Variants in PDIA3 observed in about 807,000 individuals in gnomAD.
PDIA3 encodes protein disulfide isomerase family A member 3.
A neutral mutation model predicts 56.9 loss-of-function variants in PDIA3; 16 were observed. The ratio of observed to expected loss-of-function variants is 0.28; its 90% CI spans 0.19 to 0.43. PDIA3 has a LOEUF of 0.43. Ranked by LOEUF, PDIA3 falls within the 20% of genes least tolerant of loss-of-function variation. The pLI is 1.00. For synonymous variants in PDIA3, 192 were observed against 216.5 expected (o/e 0.89, Z 0.99); for missense variants, 485 against 621.3 (o/e 0.78, Z 2.33).
At chr15:43,768,696 T>TG in intron 9 of PDIA3, 99 bp downstream of exon 9, 1 of 768,844 alleles carries the variant, frequency 1.3e-6, no homozygotes, top group Non-Finnish European at 2.2e-6. Context: ...GTTGGCCATC[T>TG]CTTTTTTTTT....
At chr15:43,748,706 G>A (rs922486867) in intron 1 of PDIA3, among the ~76,000 whole-genome samples, 1 of 150,044 alleles carries the variant, frequency 6.7e-6, no homozygotes, top group Admixed American at 6.6e-5. Flanking sequence ...TGGAGTTAAA[G>A]AAGTCTCCTG....
rs1342081843 is a variant in PDIA3 at position 43,772,472 on chromosome 15, C to T, written c.*1254C>T. 1 of 152,220 alleles carries T rather than the reference C, an allele frequency of 6.6e-6. No individual in the cohort carries two copies. The highest frequency in any genetic ancestry group is 6.5e-5 in the Admixed American group (1 of 15,280). The allele number at this position is 152,220 out of a possible 1,614,324, so 9.4% of individuals were successfully genotyped here. On this transcript the variant is annotated 3_prime_UTR_variant, in exon 13 of 13. Coordinates refer to ENST00000300289, the MANE Select transcript of PDIA3 (RefSeq NM_005313.5). ...AGATGTCTAAACCATAATCTTGTAA[C>T]TCATAACATCTGGGCTGGGGCCCGG...
chr15:43,761,796 A>G (rs1567157848), intron 4 of PDIA3, among the ~76,000 whole-genome samples: 1 of 152,224 alleles, frequency 6.6e-6, no homozygotes, highest in South Asian at 2.1e-4. Flanking sequence ...TTTAATTTCA[A>G]TTAAAGGGAC....
At position 43,770,337 on chromosome 15, in the gene PDIA3, G is replaced by C. The variant is rs906587610; in HGVS notation, c.1346+8G>C. 1 of 1,610,124 alleles carries C rather than the reference G, an allele frequency of 6.2e-7. No homozygotes were observed. Among genetic ancestry groups the C allele is most frequent in the South Asian group, 1.1e-5 (1 of 90,992 alleles). On this transcript the variant is annotated splice_region_variant and intron_variant, in intron 11 of 12. Coordinates refer to ENST00000300289, the MANE Select transcript of PDIA3 (RefSeq NM_005313.5). The stretch of plus-strand genomic sequence containing the variant: ...TCCATATGAAGTCAGAGGGTAAGTG[G>C]CTTAAAACTTAACAAAAGTGTCTAG...
intron 1 of PDIA3, chr15:43,747,227 T>C (rs551552562): frequency 3.5e-4 from 54 of 154,580 alleles, no homozygotes; most frequent in African/African-American, 1.1e-3. Flanking sequence ...TTGAGGCAGG[T>C]AATTTGTCCG....
chr15:43,753,026 A>G (rs769515760), intron 1 of PDIA3: 14 of 373,760 alleles, frequency 3.7e-5, no homozygotes, highest in South Asian at 1.4e-4. Context: ...CCTGCCATCT[A>G]AAAGACTTAA....
intron 4 of PDIA3, among the ~76,000 whole-genome samples, 157 bp from the exon 5 acceptor site, chr15:43,762,920 T>A (rs1306089056): frequency 6.6e-6 from 1 of 152,240 alleles, no homozygotes; most frequent in Non-Finnish European, 1.5e-5. Flanking sequence ...ATTCTCATCC[T>A]AAATATTGTG....
Position 43,756,635 on chromosome 15 carries a change from AT to A in PDIA3, c.247-10del, listed in dbSNP as rs764190068. On this transcript the variant is annotated splice_polypyrimidine_tract_variant and intron_variant, in intron 2 of 12. Coordinates refer to ENST00000300289, the MANE Select transcript of PDIA3 (RefSeq NM_005313.5). ...ACTTGGATAAGAAAATAGTTTGTGT[AT>A]TTTGATCTTTAGGTTGATTGCACTG... The A allele has an allele frequency of 2.8e-6, 4 of 1,408,246 alleles. No individual in the cohort carries two copies. In the South Asian group the frequency reaches 3.5e-5, roughly 12 times the overall value. The allele number at this position is 1,408,246 out of a possible 1,614,324, so 87.2% of individuals were successfully genotyped here.
intron 1 of PDIA3, among the ~76,000 whole-genome samples, chr15:43,747,469 A>C (rs1420892890): frequency 1.3e-5 from 2 of 152,212 alleles, no homozygotes; most frequent in Non-Finnish European, 2.9e-5. Context: ...AAGGGTGTAA[A>C]TTCCTTAGAT....
chr15:43,766,842 T>G lies in PDIA3; in HGVS notation c.960T>G (p.Ala320=). ...CTGATTTTGGCTTGGAGAGCACTGC[T>G]GGAGAGATTCCTGTTGTTGCTATCA... ...ELSDFGLEST[A]GEIPVVAIRT... The change falls in exon 8 of 13, where the codon GCT becomes GCG. Residue 320 remains alanine, a synonymous_variant. Coordinates refer to ENST00000300289, the MANE Select transcript of PDIA3 (RefSeq NM_005313.5). 1.2e-6 allele frequency: 2 copies of G among 1,613,974 alleles called. No individual in the cohort carries two copies. Among genetic ancestry groups the G allele is most frequent in the Non-Finnish European group, 1.7e-6 (2 of 1,179,798 alleles).
intron 7 of PDIA3, 51 bp downstream of exon 7, chr15:43,766,063 A>G: frequency 6.5e-7 from 1 of 1,547,528 alleles, no homozygotes. Context: ...CAATGTATAG[A>G]CAGTCCCTTC....
chr15:43,749,174 A>ACCTCCG (rs2086727603), intron 1 of PDIA3, among the ~76,000 whole-genome samples: 1 of 150,968 alleles, frequency 6.6e-6, no homozygotes, highest in Non-Finnish European at 1.5e-5. Flanking sequence ...GCTCACTGCA[A>ACCTCCG]CCTCCGCCTC....
In PDIA3 at chr15:43,771,442, G is replaced by T. The variant is rs1175622666; in HGVS notation, c.*224G>T. 1 of 417,794 alleles carries T rather than the reference G, an allele frequency of 2.4e-6. No individual in the cohort carries two copies. The highest frequency in any genetic ancestry group is 4.2e-6 in the Non-Finnish European group (1 of 237,962). The allele number at this position is 417,794 out of a possible 1,614,324, so 25.9% of individuals were successfully genotyped here. ...TTTGTGGTTTTGGGAAAAATTATTT[G>T]TGTTGGGGGAAATGTTGTGGGGGTG... On this transcript the variant is annotated 3_prime_UTR_variant, in exon 13 of 13. Coordinates refer to ENST00000300289, the MANE Select transcript of PDIA3 (RefSeq NM_005313.5).
intron 1 of PDIA3, among the ~76,000 whole-genome samples, chr15:43,748,639 G>GA (rs1237760677): frequency 1.3e-5 from 2 of 152,132 alleles, no homozygotes; most frequent in East Asian, 3.8e-4. Context: ...TGGTTTAAAA[G>GA]AAAAAGTCAT....
intron 1 of PDIA3, 112 bp downstream of exon 1, chr15:43,746,818 C>T (rs2086709571): frequency 8.3e-7 from 1 of 1,206,898 alleles, no homozygotes; most frequent in East Asian, 2.5e-5. Context: ...CTGTGGGCCC[C>T]TGCTGCGGCG....
chr15:43,755,068 G>A (rs1480796446), intron 2 of PDIA3, among the ~76,000 whole-genome samples: 1 of 152,182 alleles, frequency 6.6e-6, no homozygotes, highest in Non-Finnish European at 1.5e-5. Context: ...GCTCACGCCT[G>A]TAATCCCAGC....
At chr15:43,753,235 G>A (rs766411642) in intron 1 of PDIA3, among the ~76,000 whole-genome samples, 18 of 152,066 alleles carry the variant, frequency 1.2e-4, no homozygotes, top group Admixed American at 2.6e-4. Flanking sequence ...CCACCACCAC[G>A]CCTGGCTAAT....
At chr15:43,758,324 G>T (rs2086793037) in intron 3 of PDIA3, among the ~76,000 whole-genome samples, 1 of 152,050 alleles carries the variant, frequency 6.6e-6, no homozygotes. Context: ...TGTAAAATGG[G>T]ACAACCACTA....
Position 43,771,119 on chromosome 15 carries a change from A to C in PDIA3, c.1419A>C (p.Leu473Phe). 6.2e-7 allele frequency: 1 copy of C among 1,611,626 alleles called. No homozygotes were observed. The highest frequency in any genetic ancestry group is 8.5e-7 in the Non-Finnish European group (1 of 1,178,268). ...TCTGTTTTCAGGGTGGCCGTGAATT[A>C]AGTGATTTTATTAGCTATCTACAAA... The part of the protein sequence containing the change: ...NPKKYEGGRE[L>F]SDFISYLQRE... The change falls in exon 13 of 13, where the codon TTA becomes TTC. Residue 473 changes from leucine (L) to phenylalanine (F), a missense_variant. Coordinates refer to ENST00000300289, the MANE Select transcript of PDIA3 (RefSeq NM_005313.5).
Sources: gnomAD v4.1 joint callset for allele counts (sites outside exome capture counted in the v4.1 genomes callset) on GRCh38, gnomAD v4.1.1 for gene constraint, MANE v1.5 for transcripts, NCBI Gene and HGNC (gene_info 2026-07-23, HGNC 2026-07-21) for gene names.